The following CHD6 variants were observed in gnomAD, a reference collection of about 807,000 sequenced individuals.
CHD6 encodes the protein chromodomain helicase DNA binding protein 6.
Under a neutral mutation model 276.9 loss-of-function variants are expected in CHD6, and 50 were observed. That is an observed-to-expected ratio of 0.18 (90% CI 0.14 to 0.23). The LOEUF (loss-of-function observed/expected upper bound fraction) is 0.23. Ranked by LOEUF, CHD6 falls within the 10% of genes least tolerant of loss-of-function variation. The pLI, the probability that CHD6 is intolerant of heterozygous loss-of-function variation, is 1.00. For missense variants in CHD6, 2,564 were observed against 3,365.8 expected, an observed-to-expected ratio of 0.76 and a Z score of 5.89; for synonymous variants, 1,173 against 1,229.3, an observed-to-expected ratio of 0.95 and a Z score of 0.96.
chr20:41,436,783 AT>A (rs2047723067), intron 27 of CHD6, among the ~76,000 whole-genome samples: 1 of 152,232 alleles, frequency 6.6e-6, no homozygotes, highest in African/African-American at 2.4e-5. Flanking sequence ...GTATGATTCC[AT>A]TTACAGAACA....
rs745721731 is a variant in CHD6 at position 41,457,336 on chromosome 20, G to A, written c.2757C>T (p.Asp919=). The change falls in exon 18 of 37, where the codon GAC becomes GAT. Residue 919 remains aspartate (D), a synonymous_variant. Coordinates refer to ENST00000373233, the MANE Select transcript of CHD6 (RefSeq NM_032221.5). ...TRNSYEREMF[D]KASLKLGLDK... is the part of the protein sequence containing the mutation. Reference sequence around the variant, plus strand: ...CCAGCCCCAGCTTTAGGCTGGCCTTGTCAAACATCTCGCGCTCGTAGGAAT... The same window carrying A: ...CCAGCCCCAGCTTTAGGCTGGCCTTATCAAACATCTCGCGCTCGTAGGAAT... 6.2e-7 allele frequency: 1 copy of A among 1,614,148 alleles called. No individual in the cohort carries two copies. Among genetic ancestry groups the A allele is most frequent in the South Asian group, 1.1e-5 (1 of 91,070 alleles).
At chr20:41,425,988 A>T in intron 28 of CHD6, 105 bp downstream of exon 28, 1 of 879,052 alleles carries the variant, frequency 1.1e-6, no homozygotes, top group Non-Finnish European at 1.9e-6. Context: ...TTGGCTTTTT[A>T]AAAGAGCCTC....
chr20:41,506,475 T>C (rs926984929), intron 5 of CHD6, among the ~76,000 whole-genome samples: 1 of 152,144 alleles, frequency 6.6e-6, no homozygotes, highest in Non-Finnish European at 1.5e-5. Context: ...CTCTCTCCTT[T>C]ACCTCCTTCA....
chr20:41,510,632 C>T (rs1423537167), intron 5 of CHD6, among the ~76,000 whole-genome samples: 1 of 152,218 alleles, frequency 6.6e-6, no homozygotes, highest in Non-Finnish European at 1.5e-5. Context: ...TAATAAGATA[C>T]ATAACATTTC....
intron 1 of CHD6, among the ~76,000 whole-genome samples, chr20:41,574,588 G>T (rs1601157089): frequency 6.6e-6 from 1 of 152,096 alleles, no homozygotes; most frequent in Admixed American, 6.6e-5. Flanking sequence ...AATACTAAAG[G>T]CACTCCTGTT....
Position 41,415,571 on chromosome 20 carries a change from A to AGAG in CHD6, c.6553_6554insCTC (p.Val2185delinsAlaLeu), listed in dbSNP as rs1395200222. On this transcript the variant is annotated protein_altering_variant, in exon 34 of 37. Coordinates refer to ENST00000373233, the MANE Select transcript of CHD6 (RefSeq NM_032221.5). ...GCCCCGAGCCTTTGCATCCCTCTCC[A>AGAG]CCTCAAACTCATAGGGACGCCTGTG... 2.5e-6 allele frequency: 4 copies of AGAG among 1,613,670 alleles called. No individual in the cohort carries two copies. The East Asian group carries it at 8.9e-5, about 36-fold the overall frequency.
At chr20:41,586,143 C>T (rs2146247396) in intron 1 of CHD6, among the ~76,000 whole-genome samples, 1 of 152,220 alleles carries the variant, frequency 6.6e-6, no homozygotes, top group East Asian at 1.9e-4. Flanking sequence ...TGGGTCCCCT[C>T]CCATTGTATG....
intron 17 of CHD6, among the ~76,000 whole-genome samples, chr20:41,463,937 T>A (rs2042859287): frequency 6.6e-6 from 1 of 152,202 alleles, no homozygotes; most frequent in Admixed American, 6.5e-5. Flanking sequence ...GGGGGTACAA[T>A]GCCTGCAACT....
chr20:41,445,170 T>A (rs769365641), intron 25 of CHD6, among the ~76,000 whole-genome samples: 1 of 152,220 alleles, frequency 6.6e-6, no homozygotes, highest in Non-Finnish European at 1.5e-5. Context: ...ACCACATTTT[T>A]AAAAAGACAG....
At chr20:41,425,074 A>T in intron 29 of CHD6, 104 bp downstream of exon 29, 1 of 846,634 alleles carries the variant, frequency 1.2e-6, no homozygotes, top group Non-Finnish European at 1.9e-6. Flanking sequence ...ACCTAACTTC[A>T]CATGAGAACA....
Position 41,421,045 on chromosome 20 carries a change from T to C in CHD6, c.5590A>G (p.Ser1864Gly), listed in dbSNP as rs1326903200. The C allele has an allele frequency of 1.9e-6, 3 of 1,613,848 alleles. No homozygotes were observed. Among genetic ancestry groups the C allele is most frequent in the Non-Finnish European group, 2.5e-6 (3 of 1,179,978 alleles). The part of the protein sequence containing the change: ...ESKLILSQNH[S>G]DEEEEEEENE... Reference sequence around the variant, plus strand: ...TCCTCCTCTTCTTCCTCCTCATCACTGTGGTTCTGACTCAAAATCAATTTA... The same window carrying C: ...TCCTCCTCTTCTTCCTCCTCATCACCGTGGTTCTGACTCAAAATCAATTTA... The change falls in exon 31 of 37, where the codon AGT becomes GGT. Residue 1864 changes from serine (S) to glycine (G), a missense_variant. Coordinates refer to ENST00000373233, the MANE Select transcript of CHD6 (RefSeq NM_032221.5).
intron 17 of CHD6, among the ~76,000 whole-genome samples, chr20:41,464,041 G>C (rs2042862219): frequency 6.6e-6 from 1 of 152,088 alleles, no homozygotes; most frequent in African/African-American, 2.4e-5. Context: ...AGTGAGAAAG[G>C]GCAAAAATGA....
At position 41,404,343 on chromosome 20, in the gene CHD6, T is replaced by G; in HGVS notation, c.*250A>C. The G allele has an allele frequency of 8.3e-7, 1 of 1,207,784 alleles. No individual in the cohort carries two copies. The highest frequency in any genetic ancestry group is 1.0e-6 in the Non-Finnish European group (1 of 970,570). 74.8% of individuals were successfully genotyped at this position (1,207,784 alleles called of 1,614,324 possible). On this transcript the variant is annotated 3_prime_UTR_variant, in exon 37 of 37. Coordinates refer to ENST00000373233, the MANE Select transcript of CHD6 (RefSeq NM_032221.5). The stretch of plus-strand genomic sequence containing the variant: ...TCACCAAGTACTGTATTAACTATGA[T>G]TGCTGGAATGAACTGGATAACAGAA...
intron 3 of CHD6, among the ~76,000 whole-genome samples, chr20:41,519,894 G>A (rs13043333): frequency 0.027 from 4,075 of 152,170 alleles, 73 homozygotes; most frequent in Non-Finnish European, 0.036. Context: ...GCAACCTACA[G>A]AATGGGAGAA....
intron 5 of CHD6, among the ~76,000 whole-genome samples, chr20:41,500,632 A>G (rs2043809202): frequency 6.6e-6 from 1 of 152,068 alleles, no homozygotes. Context: ...CTGTTTAAGT[A>G]TTTGCTCTGC....
chr20:41,556,117 C>T (rs1197863380), intron 1 of CHD6, among the ~76,000 whole-genome samples: 5 of 152,014 alleles, frequency 3.3e-5, no homozygotes, highest in African/African-American at 7.2e-5. Flanking sequence ...TCAGGCGTGG[C>T]GGCGCGCACC....
At chr20:41,537,599 A>G (rs1335781899) in intron 2 of CHD6, among the ~76,000 whole-genome samples, 1 of 152,212 alleles carries the variant, frequency 6.6e-6, no homozygotes, top group Non-Finnish European at 1.5e-5. Flanking sequence ...CATTTATCAG[A>G]TAAGGGTCTA....
chr20:41,507,849 T>C (rs780484957), intron 5 of CHD6, among the ~76,000 whole-genome samples: 5 of 152,168 alleles, frequency 3.3e-5, no homozygotes, highest in Non-Finnish European at 4.4e-5. Context: ...CAACTACCTC[T>C]TTTACTTCTA....
At chr20:41,466,326 A>G (rs1428297277) in intron 17 of CHD6, among the ~76,000 whole-genome samples, 2 of 151,884 alleles carry the variant, frequency 1.3e-5, no homozygotes, top group Admixed American at 6.6e-5. Flanking sequence ...TTTCCACCTT[A>G]TTTTTTTTCC....
Sources: gnomAD v4.1 joint callset for allele counts (sites outside exome capture counted in the v4.1 genomes callset) on GRCh38, gnomAD v4.1.1 for gene constraint, MANE v1.5 for transcripts, NCBI Gene and HGNC (gene_info 2026-07-23, HGNC 2026-07-21) for gene names.